LRRC3B: variants seen among roughly 807,000 people sequenced by gnomAD.
The protein encoded by LRRC3B is leucine-rich repeat-containing protein 3B.
In LRRC3B, 2 loss-of-function variants were observed where a neutral mutation model predicts 12.8. The ratio of observed to expected loss-of-function variants is 0.16; its 90% CI spans 0.06 to 0.49. The LOEUF is 0.49. Among genes scored for constraint, LRRC3B ranks in the 20% least tolerant of loss-of-function variants. LRRC3B has a pLI of 0.96. For synonymous variants in LRRC3B, 132 were observed against 122.0 expected, an observed-to-expected ratio of 1.08 and a Z score of -0.54; for missense variants, 189 against 319.4, an observed-to-expected ratio of 0.59 and a Z score of 3.11.
intron 1 of LRRC3B, among the ~76,000 whole-genome samples, chr3:26,635,288 G>C (rs1029367921): frequency 3.3e-5 from 5 of 152,134 alleles, no homozygotes; most frequent in Admixed American, 6.5e-5. Flanking sequence ...AGGTGGATTT[G>C]AGACACCTTG....
chr3:26,660,531 T>C (rs1238198448), intron 1 of LRRC3B, among the ~76,000 whole-genome samples: 1 of 152,210 alleles, frequency 6.6e-6, no homozygotes, highest in Non-Finnish European at 1.5e-5. Flanking sequence ...ATCATCATTT[T>C]CCTTCAACTG....
At chr3:26,672,325 C>CTGAT (rs1559362207) in intron 1 of LRRC3B, among the ~76,000 whole-genome samples, 1 of 152,142 alleles carries the variant, frequency 6.6e-6, no homozygotes, top group Non-Finnish European at 1.5e-5. Context: ...TTTTGCCAGC[C>CTGAT]TGATTTCTTA....
chr3:26,665,365 G>A (rs1374212588), intron 1 of LRRC3B, among the ~76,000 whole-genome samples: 1 of 151,998 alleles, frequency 6.6e-6, no homozygotes, highest in South Asian at 2.1e-4. Context: ...TCTTCCTATC[G>A]TCTTTGTTTT....
At chr3:26,623,394 T>C (rs1169874086) in intron 1 of LRRC3B, among the ~76,000 whole-genome samples, 157 bp downstream of exon 1, 1 of 152,172 alleles carries the variant, frequency 6.6e-6, no homozygotes, top group East Asian at 1.9e-4. Context: ...GCGCAGACCC[T>C]GGGAGAGACC....
At chr3:26,698,745 A>G (rs1031305574) in intron 1 of LRRC3B, among the ~76,000 whole-genome samples, 4 of 152,122 alleles carry the variant, frequency 2.6e-5, no homozygotes, top group Non-Finnish European at 5.9e-5. Flanking sequence ...TTTGCTGAAT[A>G]ATTTGACAGC....
intron 1 of LRRC3B, among the ~76,000 whole-genome samples, chr3:26,664,549 T>C (rs1248299377): frequency 6.6e-6 from 1 of 152,088 alleles, no homozygotes; most frequent in Non-Finnish European, 1.5e-5. Context: ...TTTGGTTTAG[T>C]TCCCTAGAAG....
chr3:26,704,423 T>A (rs572904152), intron 1 of LRRC3B, among the ~76,000 whole-genome samples: 86 of 152,318 alleles, frequency 5.6e-4, no homozygotes, highest in African/African-American at 1.9e-3. Flanking sequence ...TTAATCTAGA[T>A]GATAAGTACT....
At chr3:26,668,672 GTTGT>G (rs1281715726) in intron 1 of LRRC3B, among the ~76,000 whole-genome samples, 1 of 151,966 alleles carries the variant, frequency 6.6e-6, no homozygotes, top group African/African-American at 2.4e-5. Context: ...TTGCTTTTTT[GTTGT>G]TTATTTTTAC....
intron 1 of LRRC3B, among the ~76,000 whole-genome samples, chr3:26,679,835 ACTAT>A (rs1416533962): frequency 6.6e-6 from 1 of 152,246 alleles, no homozygotes; most frequent in Non-Finnish European, 1.5e-5. Context: ...CTCATAAGAA[ACTAT>A]CTGTTAAATG....
chr3:26,697,107 A>G (rs1338235604), intron 1 of LRRC3B, among the ~76,000 whole-genome samples: 1 of 152,198 alleles, frequency 6.6e-6, no homozygotes, highest in Non-Finnish European at 1.5e-5. Context: ...TTCAAGTTCT[A>G]TTCTCCATTT....
At chr3:26,640,786 G>A (rs1056667559) in intron 1 of LRRC3B, among the ~76,000 whole-genome samples, 3 of 152,112 alleles carry the variant, frequency 2.0e-5, no homozygotes, top group African/African-American at 4.8e-5. Context: ...GAGCACAAGA[G>A]TCATATCCAT....
Position 26,704,606 on chromosome 3 carries a change from C to A in LRRC3B, c.-160-4907C>A, listed in dbSNP as rs184461727. 1.6e-4 allele frequency among the ~76,000 whole-genome samples: 25 copies of A among 151,672 alleles called. No individual in the cohort carries two copies. The East Asian group carries it at 4.6e-3, about 28-fold the overall frequency. On this transcript the variant is annotated intron_variant, in intron 1 of 1. Transcript: ENST00000396641. Reference sequence around the variant, plus strand: ...TTAGAGACAGGGTCTTGCTATGTTGCCCTGTCTGAACTCAAACTTCTGGGC... The same window carrying A: ...TTAGAGACAGGGTCTTGCTATGTTGACCTGTCTGAACTCAAACTTCTGGGC...
At chr3:26,629,541 C>G (rs1174255554) in intron 1 of LRRC3B, among the ~76,000 whole-genome samples, 1 of 152,200 alleles carries the variant, frequency 6.6e-6, no homozygotes, top group Non-Finnish European at 1.5e-5. Flanking sequence ...AGTATGCTTT[C>G]CCTATGCTGC....
chr3:26,696,700 T>A (rs1189740447), intron 1 of LRRC3B, among the ~76,000 whole-genome samples: 2 of 152,184 alleles, frequency 1.3e-5, no homozygotes, highest in Admixed American at 1.3e-4. Context: ...TCCACCACAT[T>A]TCTATCTCAT....
At chr3:26,650,224 C>T (rs919999383) in intron 1 of LRRC3B, among the ~76,000 whole-genome samples, 8 of 152,290 alleles carry the variant, frequency 5.3e-5, no homozygotes, top group Admixed American at 3.3e-4. Flanking sequence ...CTGTCACCTG[C>T]TCTCAAAAGT....
At chr3:26,626,400 G>A (rs1158040299) in intron 1 of LRRC3B, among the ~76,000 whole-genome samples, 2 of 152,184 alleles carry the variant, frequency 1.3e-5, no homozygotes, top group African/African-American at 4.8e-5. Flanking sequence ...TCTGAATTGA[G>A]TCACATAATT....
chr3:26,696,012 C>T (rs546167386), intron 1 of LRRC3B, among the ~76,000 whole-genome samples: 3 of 152,166 alleles, frequency 2.0e-5, no homozygotes, highest in Non-Finnish European at 4.4e-5. Context: ...TCAGCTGGCT[C>T]GTTCAATGAT....
chr3:26,670,275 C>A (rs1699692971), intron 1 of LRRC3B, among the ~76,000 whole-genome samples: 1 of 152,130 alleles, frequency 6.6e-6, no homozygotes, highest in Non-Finnish European at 1.5e-5. Context: ...AAGCAGTCTC[C>A]TAGAATACAG....
intron 1 of LRRC3B, among the ~76,000 whole-genome samples, chr3:26,637,043 C>G (rs1698917350): frequency 6.7e-6 from 1 of 149,802 alleles, no homozygotes; most frequent in Admixed American, 6.7e-5. Context: ...GTCACCCAGG[C>G]TGGAGTGCAA....
Sources: gnomAD v4.1 joint callset for allele counts (sites outside exome capture counted in the v4.1 genomes callset) on GRCh38, gnomAD v4.1.1 for gene constraint, MANE v1.5 for transcripts, NCBI Gene and HGNC (gene_info 2026-07-23, HGNC 2026-07-21) for gene names.